The following PTPRD variants were observed in gnomAD, a reference collection of about 807,000 sequenced individuals.
PTPRD encodes the protein protein tyrosine phosphatase receptor type D, also known as receptor-type tyrosine-protein phosphatase delta.
Under a neutral mutation model 214.5 loss-of-function variants are expected in PTPRD, and 34 were observed. The observed-to-expected ratio is 0.16, with a 90% CI of 0.12 to 0.21. PTPRD has a LOEUF of 0.21. Among genes scored for constraint, PTPRD ranks in the 10% least tolerant of loss-of-function variants. The probability of loss-of-function intolerance (pLI) is 1.00; values close to 1 mark genes in which losing one functional copy is unlikely to be tolerated. For synonymous variants in PTPRD, 1,128 were observed against 845.7 expected, an observed-to-expected ratio of 1.33 and a Z score of -5.79; for missense variants, 2,545 against 2,398.7, an observed-to-expected ratio of 1.06 and a Z score of -1.27.
chr9:9,491,365 ACT>A (rs2095887575), intron 8 of PTPRD, among the ~76,000 whole-genome samples: 1 of 151,980 alleles, frequency 6.6e-6, no homozygotes, highest in Non-Finnish European at 1.5e-5. Context: ...TTAATAGTCA[ACT>A]CTGAAAAATG....
intron 7 of PTPRD, among the ~76,000 whole-genome samples, chr9:9,681,556 C>T (rs1595081279): frequency 1.3e-5 from 2 of 151,632 alleles, no homozygotes; most frequent in Non-Finnish European, 2.9e-5. Flanking sequence ...CCTATCAGGC[C>T]CCATCCCCTC....
intron 7 of PTPRD, among the ~76,000 whole-genome samples, chr9:9,633,676 G>C (rs967559672): frequency 6.6e-6 from 1 of 152,122 alleles, no homozygotes; most frequent in Non-Finnish European, 1.5e-5. Flanking sequence ...ATTTTCTAAA[G>C]GTTGTAGGTT....
intron 11 of PTPRD, among the ~76,000 whole-genome samples, chr9:8,847,870 T>C (rs896063369): frequency 3.3e-5 from 5 of 152,206 alleles, no homozygotes; most frequent in African/African-American, 9.7e-5. Context: ...GATAAAATGG[T>C]ATAGGGCAGG....
intron 11 of PTPRD, among the ~76,000 whole-genome samples, chr9:8,791,412 G>T (rs979666562): frequency 6.6e-6 from 1 of 151,544 alleles, no homozygotes; most frequent in Non-Finnish European, 1.5e-5. Flanking sequence ...TTTTAGTAGA[G>T]ACATGGTTTC....
intron 3 of PTPRD, among the ~76,000 whole-genome samples, chr9:10,328,604 G>C (rs2096690554): frequency 6.6e-6 from 1 of 151,754 alleles, no homozygotes; most frequent in Non-Finnish European, 1.5e-5. Context: ...CCGAGACTTT[G>C]AATGACTTGC....
chr9:10,469,435 A>G (rs1485378920), intron 2 of PTPRD, among the ~76,000 whole-genome samples: 3 of 152,208 alleles, frequency 2.0e-5, no homozygotes, highest in African/African-American at 7.2e-5. Context: ...TTATTAGATG[A>G]AAAGATCATT....
Position 8,837,628 on chromosome 9 carries a change from C to T in PTPRD, c.-103-103682G>A, listed in dbSNP as rs534868389. Among the ~76,000 whole-genome samples, 10 of 152,164 alleles carry T rather than the reference C, an allele frequency of 6.6e-5. No individual in the cohort carries two copies. The South Asian group carries it at 2.1e-3, about 32-fold the overall frequency. On this transcript the variant is annotated intron_variant, in intron 11 of 45. Coordinates refer to ENST00000381196, the MANE Select transcript of PTPRD (RefSeq NM_002839.4). ...TCTTCCACCTTAGCCTCTCAAGTAG[C>T]TGGTATTACAGGTGCATACCACCAT... is the stretch of plus-strand genomic sequence containing the variant.
At chr9:8,848,508 T>A (rs1014306752) in intron 11 of PTPRD, among the ~76,000 whole-genome samples, 1 of 109,010 alleles carries the variant, frequency 9.2e-6, no homozygotes, top group African/African-American at 7.4e-5. Context: ...GCAAATATTT[T>A]TTTTTTTTTT....
intron 11 of PTPRD, among the ~76,000 whole-genome samples, chr9:8,948,279 A>T (rs1226882080): frequency 2.0e-5 from 3 of 146,806 alleles, no homozygotes; most frequent in African/African-American, 7.6e-5. Flanking sequence ...CAGCCTCCCA[A>T]AGTGCTGGGA....
chr9:8,835,982 A>T (rs935917690), intron 11 of PTPRD, among the ~76,000 whole-genome samples: 3 of 152,174 alleles, frequency 2.0e-5, no homozygotes, highest in African/African-American at 7.2e-5. Context: ...CAGTGCCTGG[A>T]TCCACGTCTG....
intron 3 of PTPRD, among the ~76,000 whole-genome samples, chr9:10,034,783 A>G (rs1589384257): frequency 6.6e-6 from 1 of 152,274 alleles, no homozygotes; most frequent in East Asian, 1.9e-4. Flanking sequence ...GCTGCATAGT[A>G]TTCCATGATA....
rs375107067 is a variant in PTPRD, at chr9:10,451,958, A to T, written c.-599-110941T>A. On this transcript the variant is annotated intron_variant, in intron 2 of 45. Transcript: ENST00000381196. ...CTTCTGTGGGAAGAAGGAGAAGCAA[A>T]TATGAAAGCCTACCTCTGGAGCAAA... 1.3e-4 allele frequency among the ~76,000 whole-genome samples: 20 copies of T among 152,076 alleles called. No individual in the cohort carries two copies. In the South Asian group the frequency reaches 2.1e-3, roughly 16 times the overall value.
intron 2 of PTPRD, among the ~76,000 whole-genome samples, chr9:10,387,425 TATATC>T (rs2097938686): frequency 6.6e-6 from 1 of 151,820 alleles, no homozygotes; most frequent in Admixed American, 6.6e-5. Context: ...AGGATTCAGT[TATATC>T]AGAAGGCATA....
chr9:9,796,679 T>C (rs1034002237), intron 5 of PTPRD, among the ~76,000 whole-genome samples: 4 of 152,084 alleles, frequency 2.6e-5, no homozygotes, highest in African/African-American at 9.7e-5. Context: ...AGGCAAGAAC[T>C]AGTAGAAAGC....
At chr9:10,567,952 TTTG>T in intron 2 of PTPRD, among the ~76,000 whole-genome samples, 1 of 151,604 alleles carries the variant, frequency 6.6e-6, no homozygotes, top group Non-Finnish European at 1.5e-5. Flanking sequence ...ATTTTATTTA[TTTG>T]TTATTTTTTA....
At chr9:10,018,714 AT>A (rs1348902419) in intron 4 of PTPRD, among the ~76,000 whole-genome samples, 1 of 148,796 alleles carries the variant, frequency 6.7e-6, no homozygotes, top group South Asian at 2.2e-4. Context: ...CGCCCGGCTA[AT>A]TTTTTTTGTA....
rs933043010 is a variant in PTPRD, at chr9:9,526,585, G to T, written c.-237+48147C>A. Among the ~76,000 whole-genome samples, 5 of 152,262 alleles carry T rather than the reference G, an allele frequency of 3.3e-5. No homozygotes were observed. In the East Asian group the frequency reaches 9.6e-4, roughly 29 times the overall value. On this transcript the variant is annotated intron_variant, in intron 8 of 45. Transcript: ENST00000381196. ...GGAATGATAGAAAGTTATCAGAAAT[G>T]TGTAAGCAAATTTGTCCTGTAATTG...
chr9:9,780,243 C>A (rs961386942), intron 5 of PTPRD, among the ~76,000 whole-genome samples: 1 of 152,048 alleles, frequency 6.6e-6, no homozygotes. Context: ...ACAATAGACA[C>A]TGCAGATTCC....
intron 11 of PTPRD, among the ~76,000 whole-genome samples, chr9:8,964,709 T>C (rs1214618931): frequency 6.6e-6 from 1 of 152,132 alleles, no homozygotes. Flanking sequence ...AACTTTCCTC[T>C]TACCACTGCT....
Sources: gnomAD v4.1 joint callset for allele counts (sites outside exome capture counted in the v4.1 genomes callset) on GRCh38, gnomAD v4.1.1 for gene constraint, MANE v1.5 for transcripts, NCBI Gene and HGNC (gene_info 2026-07-23, HGNC 2026-07-21) for gene names.